The following KIF25 variants were observed in gnomAD, a reference collection of about 807,000 sequenced individuals.
KIF25 encodes kinesin family member 25, also known as kinesin-like protein KIF25.
KIF25 carries 19 observed loss-of-function variants against 32.9 expected under a neutral mutation model. The ratio of observed to expected loss-of-function variants is 0.58; its 90% CI spans 0.40 to 0.85. The LOEUF (loss-of-function observed/expected upper bound fraction) is 0.85. Among genes scored for constraint, KIF25 ranks in the 40% least tolerant of loss-of-function variants. The probability of loss-of-function intolerance (pLI) is 0.00; values close to 1 mark genes in which losing one functional copy is unlikely to be tolerated. For synonymous variants in KIF25, 225 were observed against 213.7 expected (o/e 1.05, Z -0.46); for missense variants, 485 against 507.0 (o/e 0.96, Z 0.42).
chr6:168,023,830 G>A (rs922099385), intron 5 of KIF25, among the ~76,000 whole-genome samples: 2 of 152,178 alleles, frequency 1.3e-5, no homozygotes, highest in South Asian at 4.1e-4. Flanking sequence ...ACCATGTGTC[G>A]CGATCTGGTG....
rs189457771 is a variant in KIF25 at position 168,041,932 on chromosome 6, A to G, written c.647-37A>G. The G allele has an allele frequency of 7.4e-4, 1,142 of 1,544,554 alleles. 1 individual carries two copies. Among genetic ancestry groups the G allele is most frequent in the Non-Finnish European group, 9.4e-4 (1,078 of 1,142,010 alleles). ...AAGCACAGCCTCATGGCTTCATGCAACTGTTTTCCTCCTCGTCGCTCCTTG... is the reference window on the plus strand; with the variant it reads ...AAGCACAGCCTCATGGCTTCATGCAGCTGTTTTCCTCCTCGTCGCTCCTTG... On this transcript the variant is annotated intron_variant, in intron 10 of 12. Transcript: ENST00000643607.
At chr6:168,033,852 T>G in intron 7 of KIF25, 30 bp from the exon 8 acceptor site, 1 of 1,597,198 alleles carries the variant, frequency 6.3e-7, no homozygotes, top group East Asian at 2.3e-5. Flanking sequence ...CACGTGTGTT[T>G]TGCTGGACTG....
At chr6:168,026,500 T>C (rs1158816122) in intron 5 of KIF25, among the ~76,000 whole-genome samples, 1 of 152,200 alleles carries the variant, frequency 6.6e-6, no homozygotes, top group Non-Finnish European at 1.5e-5. Flanking sequence ...ATATGGTTCT[T>C]ATGAAATCAG....
chr6:168,009,592 A>G (rs998702246), intron 4 of KIF25, among the ~76,000 whole-genome samples: 1 of 152,144 alleles, frequency 6.6e-6, no homozygotes, highest in Non-Finnish European at 1.5e-5. Context: ...TTGTAGAATG[A>G]GTTAGCAAGA....
intron 6 of KIF25, among the ~76,000 whole-genome samples, chr6:168,030,347 A>G (rs1583139733): frequency 6.6e-6 from 1 of 152,024 alleles, no homozygotes; most frequent in Non-Finnish European, 1.5e-5. Flanking sequence ...TTACATTGTG[A>G]TTATTGGGCC....
intron 8 of KIF25, 115 bp from the exon 9 acceptor site, chr6:168,038,438 C>T (rs1583145075): frequency 4.0e-6 from 4 of 1,000,854 alleles, no homozygotes; most frequent in African/African-American, 1.6e-5. Context: ...GCCCTCTGCT[C>T]GGACCCCAGC....
intron 4 of KIF25, among the ~76,000 whole-genome samples, chr6:168,007,481 C>CT (rs2114869906): frequency 6.6e-6 from 1 of 152,288 alleles, no homozygotes; most frequent in South Asian, 2.1e-4. Flanking sequence ...ATGGTAATGA[C>CT]TACCAGGATG....
rs2114920052 is a variant in KIF25 at position 168,044,851 on chromosome 6, T to C, written c.1010T>C (p.Ile337Thr). 2 of 1,598,760 alleles carry C rather than the reference T, an allele frequency of 1.3e-6. No homozygotes were observed. Among genetic ancestry groups the C allele is most frequent in the South Asian group, 2.2e-5 (2 of 88,894 alleles). ...CLGGDAKLLV[I>T]LCISPSQRHL... ...GGAGGCGATGCGAAGTTACTGGTGA[T>C]TCTCTGCATTTCTCCCAGCCAGAGG... Residue 337 changes from isoleucine to threonine, a missense_variant, in exon 13 of 13, where the codon ATT (isoleucine) becomes ACT (threonine). Ile to Thr is a moderately conservative substitution (Grantham distance 89). Coordinates refer to ENST00000643607, the MANE Select transcript of KIF25 (RefSeq NM_030615.4).
chr6:168,010,986 A>T (rs9364213), intron 4 of KIF25, among the ~76,000 whole-genome samples: 30,567 of 121,390 alleles, frequency 0.25, 3,484 homozygotes, highest in East Asian at 0.32. Context: ...TCACTTGCAG[A>T]CTATACGTCT....
intron 8 of KIF25, among the ~76,000 whole-genome samples, chr6:168,037,645 TTCTCTCTCTCTC>T (rs35282663): frequency 6.8e-6 from 1 of 146,864 alleles, no homozygotes; most frequent in African/African-American, 2.6e-5. Flanking sequence ...AAGGTTTTAT[TTCTCTCTCTCTC>T]TCTCTCTCTC....
intron 2 of KIF25, among the ~76,000 whole-genome samples, chr6:168,001,915 G>T: frequency 1.0e-5 from 1 of 99,536 alleles, no homozygotes; most frequent in Non-Finnish European, 2.1e-5. Flanking sequence ...GACACCTGAG[G>T]CGTGGCCTCG....
intron 3 of KIF25, among the ~76,000 whole-genome samples, chr6:168,003,171 G>A (rs999944999): frequency 1.4e-4 from 21 of 152,112 alleles, no homozygotes; most frequent in African/African-American, 4.3e-4. Context: ...ATATTTAAGC[G>A]TTCTTACTGG....
Position 168,038,726 on chromosome 6 carries a change from CTGAG to C in KIF25, c.494+3_494+6del, listed in dbSNP as rs771979498. On this transcript the variant is annotated splice_donor_variant and coding_sequence_variant, in exon 9 of 13. Coordinates refer to ENST00000643607, the MANE Select transcript of KIF25 (RefSeq NM_030615.4). LOFTEE classifies it high-confidence loss of function. ...CGGACAGAGGTTGCGCTGCTGGCCT[CTGAG>C]TGAGTACTGCACCTGCCCCGTGCTG... 1.1e-5 allele frequency: 17 copies of C among 1,613,166 alleles called. No individual in the cohort carries two copies. The highest frequency in any genetic ancestry group is 6.6e-5 in the South Asian group (6 of 91,012).
intron 5 of KIF25, among the ~76,000 whole-genome samples, chr6:168,026,101 C>T (rs990120101): frequency 6.6e-6 from 1 of 152,188 alleles, no homozygotes; most frequent in African/African-American, 2.4e-5. Context: ...TTTTAGTAAG[C>T]GTTGGATTTG....
intron 4 of KIF25, among the ~76,000 whole-genome samples, chr6:168,015,135 C>T (rs933090963): frequency 2.6e-5 from 4 of 152,168 alleles, no homozygotes; most frequent in African/African-American, 9.7e-5. Context: ...CCTTGAACCA[C>T]CATCCACAGG....
chr6:168,040,018 AG>A (rs760218838), intron 9 of KIF25, 46 bp from the exon 10 acceptor site: 1 of 1,563,950 alleles, frequency 6.4e-7, no homozygotes. Flanking sequence ...GCCTTAGGTA[AG>A]GGGGGCCGCC....
At chr6:168,011,426 T>A (rs147075994) in intron 4 of KIF25, among the ~76,000 whole-genome samples, 1 of 152,332 alleles carries the variant, frequency 6.6e-6, no homozygotes, top group Non-Finnish European at 1.5e-5. Flanking sequence ...TGTGAAAGAT[T>A]TTATTTTTCT....
At chr6:168,029,029 T>C (rs1798903407) in intron 5 of KIF25, among the ~76,000 whole-genome samples, 1 of 152,180 alleles carries the variant, frequency 6.6e-6, no homozygotes, top group Non-Finnish European at 1.5e-5. Context: ...TAGCTCCAAG[T>C]AGAGATTGTT....
At chr6:168,021,695 C>T (rs575450893) in intron 5 of KIF25, among the ~76,000 whole-genome samples, 28 of 152,346 alleles carry the variant, frequency 1.8e-4, no homozygotes, top group African/African-American at 5.8e-4. Context: ...CCTGTCTCCC[C>T]TCCCTCAGCT....
Sources: allele counts gnomAD v4.1 joint callset (sites outside exome capture counted in the v4.1 genomes callset), GRCh38; gene constraint gnomAD v4.1.1; transcripts MANE v1.5; gene names NCBI Gene and HGNC (gene_info 2026-07-23, HGNC 2026-07-21).